ASIC2: variants seen among roughly 807,000 people sequenced by gnomAD.
The protein encoded by ASIC2 is acid sensing ion channel subunit 2.
Under a neutral mutation model 57.3 loss-of-function variants are expected in ASIC2, and 25 were observed. That is an observed-to-expected ratio of 0.44 (90% CI 0.32 to 0.61). The LOEUF is 0.61. Ranked by LOEUF, ASIC2 falls within the 20% of genes least tolerant of loss-of-function variation. The probability of loss-of-function intolerance (pLI) is 0.06; values close to 1 mark genes in which losing one functional copy is unlikely to be tolerated. For missense variants in ASIC2, 641 were observed against 738.1 expected (o/e 0.87, Z 1.52); for synonymous variants, 319 against 307.5 (o/e 1.04, Z -0.39).
At chr17:33,706,497 T>C (rs1908868251) in intron 1 of ASIC2, among the ~76,000 whole-genome samples, 1 of 152,132 alleles carries the variant, frequency 6.6e-6, no homozygotes, top group Admixed American at 6.6e-5. Flanking sequence ...GTGCTGGGAT[T>C]ACAAGTATCA....
chr17:33,416,348 C>G (rs555426850), intron 1 of ASIC2, among the ~76,000 whole-genome samples: 1 of 152,204 alleles, frequency 6.6e-6, no homozygotes, highest in African/African-American at 2.4e-5. Context: ...CAGTTGACAT[C>G]CACACTTCCT....
intron 1 of ASIC2, among the ~76,000 whole-genome samples, chr17:33,654,570 G>A (rs1284386764): frequency 6.6e-6 from 1 of 152,240 alleles, no homozygotes; most frequent in Non-Finnish European, 1.5e-5. Context: ...AGGCCTGGGA[G>A]GCAAAGGCAA....
intron 1 of ASIC2, among the ~76,000 whole-genome samples, chr17:34,034,350 T>G (rs1216046119): frequency 3.9e-5 from 6 of 152,178 alleles, no homozygotes; most frequent in Non-Finnish European, 7.3e-5. Context: ...TAGGTATTGA[T>G]AGGACGTATC....
intron 1 of ASIC2, among the ~76,000 whole-genome samples, chr17:33,703,540 A>T (rs1908773388): frequency 6.6e-6 from 1 of 151,964 alleles, no homozygotes; most frequent in African/African-American, 2.4e-5. Context: ...TTTTGTAGAG[A>T]TGGGGTTTTA....
At chr17:33,329,821 T>C (rs34891225) in intron 1 of ASIC2, among the ~76,000 whole-genome samples, 32,655 of 152,126 alleles carry the variant, frequency 0.21, 4,358 homozygotes, top group Middle Eastern at 0.36. Flanking sequence ...AATGAGTCTG[T>C]GGAACTATCA....
chr17:33,444,998 A>T (rs925365967), intron 1 of ASIC2, among the ~76,000 whole-genome samples: 2 of 152,232 alleles, frequency 1.3e-5, no homozygotes. Flanking sequence ...AGGAGTTGTG[A>T]CAGACACTGT....
intron 1 of ASIC2, among the ~76,000 whole-genome samples, chr17:33,842,828 A>G (rs1913480167): frequency 6.6e-6 from 1 of 152,204 alleles, no homozygotes; most frequent in Admixed American, 6.5e-5. Flanking sequence ...CTCACTATGT[A>G]CTGACACGTG....
chr17:33,257,389 C>T (rs929381937), intron 1 of ASIC2, among the ~76,000 whole-genome samples: 13 of 152,248 alleles, frequency 8.5e-5, no homozygotes, highest in Non-Finnish European at 2.9e-5. Flanking sequence ...ATATTTTCTA[C>T]TGGAGGCTGT....
intron 1 of ASIC2, among the ~76,000 whole-genome samples, chr17:33,560,037 G>A (rs1916023936): frequency 6.6e-6 from 1 of 152,152 alleles, no homozygotes; most frequent in Non-Finnish European, 1.5e-5. Context: ...TTACTGTACT[G>A]CCATTTTTTT....
chr17:33,535,522 C>T (rs1327846859), intron 1 of ASIC2, among the ~76,000 whole-genome samples: 6 of 151,984 alleles, frequency 3.9e-5, no homozygotes, highest in African/African-American at 7.2e-5. Context: ...ATGATCTGCC[C>T]GTCTCGGCCT....
At chr17:33,194,000 C>T (rs1193129166) in intron 1 of ASIC2, among the ~76,000 whole-genome samples, 2 of 152,098 alleles carry the variant, frequency 1.3e-5, no homozygotes, top group Non-Finnish European at 2.9e-5. Context: ...GGAGCCTACC[C>T]TAAGACACCA....
In ASIC2 at chr17:33,748,802, T is replaced by C. The variant is rs576928664; in HGVS notation, c.555+407176A>G. Among the ~76,000 whole-genome samples the C allele has an allele frequency of 6.6e-5, 10 of 152,374 alleles. 1 individual carries two copies. The South Asian group carries it at 2.1e-3, about 32-fold the overall frequency. On this transcript the variant is annotated intron_variant, in intron 1 of 9. Transcript: ENST00000359872. ...CTTCGTGTGCCTCTTAAGTGATTAGTGTAATACTCTGTACACAATAGACTT... is the reference window on the plus strand; with the variant it reads ...CTTCGTGTGCCTCTTAAGTGATTAGCGTAATACTCTGTACACAATAGACTT...
intron 1 of ASIC2, among the ~76,000 whole-genome samples, chr17:33,881,558 T>A (rs945392398): frequency 5.3e-5 from 8 of 152,178 alleles, no homozygotes; most frequent in African/African-American, 1.7e-4. Context: ...TTACAAGGGA[T>A]GTGAAGGACC....
chr17:33,470,451 T>G (rs1913010798), intron 1 of ASIC2, among the ~76,000 whole-genome samples: 1 of 151,276 alleles, frequency 6.6e-6, no homozygotes, highest in Non-Finnish European at 1.5e-5. Flanking sequence ...TTCCTCGCTT[T>G]AGCAGGCTTA....
intron 1 of ASIC2, among the ~76,000 whole-genome samples, chr17:33,649,172 C>A (rs941926991): frequency 6.6e-6 from 1 of 152,172 alleles, no homozygotes; most frequent in Non-Finnish European, 1.5e-5. Context: ...AAAGAATCCA[C>A]AACAAAACCG....
chr17:33,473,291 C>T (rs1037723843), intron 1 of ASIC2, among the ~76,000 whole-genome samples: 2 of 152,226 alleles, frequency 1.3e-5, no homozygotes, highest in African/African-American at 2.4e-5. Context: ...ACTAAATCCA[C>T]CTAATTGGTT....
At chr17:34,077,551 A>G (rs557100833) in intron 1 of ASIC2, among the ~76,000 whole-genome samples, 8 of 152,220 alleles carry the variant, frequency 5.3e-5, no homozygotes, top group Non-Finnish European at 1.2e-4. Context: ...CATGGAACAC[A>G]GCCACGATGC....
At chr17:33,641,096 A>T (rs929189879) in intron 1 of ASIC2, among the ~76,000 whole-genome samples, 9 of 152,132 alleles carry the variant, frequency 5.9e-5, no homozygotes, top group Non-Finnish European at 1.2e-4. Flanking sequence ...TATTTCTGCT[A>T]CAGAGAAGGA....
chr17:33,397,219 A>C (rs1034157322), intron 1 of ASIC2, among the ~76,000 whole-genome samples: 1 of 152,202 alleles, frequency 6.6e-6, no homozygotes. Flanking sequence ...GGGGACTCCC[A>C]ACCCTAAAGA....
Sources: gnomAD v4.1 joint callset for allele counts (sites outside exome capture counted in the v4.1 genomes callset) on GRCh38, gnomAD v4.1.1 for gene constraint, MANE v1.5 for transcripts, NCBI Gene and HGNC (gene_info 2026-07-23, HGNC 2026-07-21) for gene names.